RUSC2: variants seen among roughly 807,000 people sequenced by gnomAD.
RUSC2 encodes the protein RUN and SH3 domain containing 2, also known as AP-4 complex accessory subunit RUSC2.
Under a neutral mutation model 122.2 loss-of-function variants are expected in RUSC2, and 34 were observed. That is an observed-to-expected ratio of 0.28 (90% CI 0.21 to 0.37). RUSC2 has a LOEUF of 0.37. Among genes scored for constraint, RUSC2 ranks in the 10% least tolerant of loss-of-function variants. The pLI is 1.00. For missense variants in RUSC2, 1,747 were observed against 1,952.4 expected, an observed-to-expected ratio of 0.89 and a Z score of 1.98; for synonymous variants, 784 against 790.0, an observed-to-expected ratio of 0.99 and a Z score of 0.13.
intron 1 of RUSC2, among the ~76,000 whole-genome samples, chr9:35,541,901 A>T (rs1489729785): frequency 3.4e-5 from 5 of 148,672 alleles, no homozygotes; most frequent in Admixed American, 6.7e-5. Flanking sequence ...TATATATAAA[A>T]TTTTTTTAAA....
chr9:35,515,999 CAAAAAAAAA>C (rs544797957), intron 1 of RUSC2, among the ~76,000 whole-genome samples: 5 of 47,198 alleles, frequency 1.1e-4, no homozygotes, highest in Non-Finnish European at 1.5e-4. Context: ...ATTCTTGTCT[CAAAAAAAAA>C]AAAAAAAAAA....
rs188490026 is a variant in RUSC2, at chr9:35,558,622, C to T, written c.3341+55C>T. ...AACAACTTGCCCTGCCCCCCACCCCCGGGCTCTGCCTGCACCAAGGAAACA... is the reference window on the plus strand; with the variant it reads ...AACAACTTGCCCTGCCCCCCACCCCTGGGCTCTGCCTGCACCAAGGAAACA... On this transcript the variant is annotated intron_variant, in intron 8 of 11. Coordinates refer to ENST00000361226, the MANE Select transcript of RUSC2 (RefSeq NM_014806.5). This position sits in a 1 kb window ranked among gnomAD's most constrained non-coding sequence, Gnocchi z 4.3. The T allele has an allele frequency of 8.7e-5, 122 of 1,410,008 alleles. 1 individual carries two copies. In the African/African-American group the frequency reaches 1.4e-3, roughly 16 times the overall value. 87.3% of individuals were successfully genotyped at this position (1,410,008 alleles called of 1,614,324 possible).
At chr9:35,560,911 C>T (rs201844702) in intron 10 of RUSC2, 49 bp from the exon 11 acceptor site, 124 of 1,595,390 alleles carry the variant, frequency 7.8e-5, no homozygotes, top group Middle Eastern at 3.4e-4. Context: ...AGCCAGGGCA[C>T]GGGCAGAGCC....
At chr9:35,519,328 C>T (rs1278034569) in intron 1 of RUSC2, among the ~76,000 whole-genome samples, 1 of 152,214 alleles carries the variant, frequency 6.6e-6, no homozygotes, top group Admixed American at 6.5e-5. Context: ...GCCTCACAGG[C>T]AGCTGTGATG....
At chr9:35,500,157 C>T (rs1820795206) in intron 1 of RUSC2, among the ~76,000 whole-genome samples, 2 of 152,264 alleles carry the variant, frequency 1.3e-5, no homozygotes, top group Middle Eastern at 3.4e-3. Context: ...CTGTATTAGT[C>T]TGTTTTTATG....
At position 35,548,512 on chromosome 9, in the gene RUSC2, G is replaced by A. The variant is rs1821821097; in HGVS notation, c.1991G>A (p.Arg664Lys). ...AGCCCAGCCAACAGCCATACCCAGA[G>A]GGATGCAAGAGCTAGAGCTGACGGT... ...PGSPANSHTQ[R>K]DARARADGGG... The change falls in exon 2 of 12, where the codon AGG becomes AAG. Residue 664 changes from arginine to lysine, a missense_variant. Arg to Lys is a conservative substitution (Grantham distance 26). Coordinates refer to ENST00000361226, the MANE Select transcript of RUSC2 (RefSeq NM_014806.5). The surrounding 1 kb of genome is among the most constrained non-coding windows in gnomAD (Gnocchi z 4.5). 1.9e-6 allele frequency: 3 copies of A among 1,612,706 alleles called. No homozygotes were observed. The African/African-American group carries it at 4.0e-5, about 22-fold the overall frequency.
rs1293162293 is a variant in RUSC2 at position 35,561,655 on chromosome 9, G to T, written c.*273G>T. On this transcript the variant is annotated 3_prime_UTR_variant, in exon 12 of 12. Coordinates refer to ENST00000361226, the MANE Select transcript of RUSC2 (RefSeq NM_014806.5). ...CGTCTGGGCCAACCCTTCCATGGGT[G>T]AAGACAAGCAAGTCCCCCTGGAGGC... The T allele has an allele frequency of 5.5e-6, 3 of 548,924 alleles. No homozygotes were observed. The highest frequency in any genetic ancestry group is 9.6e-6 in the Non-Finnish European group (3 of 312,422). 34.0% of individuals were successfully genotyped at this position (548,924 alleles called of 1,614,324 possible).
chr9:35,561,623 C>T lies in RUSC2; in HGVS notation c.*241C>T, dbSNP rs1295605129. 1.7e-6 allele frequency: 1 copy of T among 574,232 alleles called. No individual in the cohort carries two copies. Among genetic ancestry groups the T allele is most frequent in the Non-Finnish European group, 3.1e-6 (1 of 326,682 alleles). 35.6% of individuals were successfully genotyped at this position (574,232 alleles called of 1,614,324 possible). ...CACAGCACTGGGCTGCCAGGATTCC[C>T]CTGGCCCGTCTGGGCCAACCCTTCC... On this transcript the variant is annotated 3_prime_UTR_variant, in exon 12 of 12. Coordinates refer to ENST00000361226, the MANE Select transcript of RUSC2 (RefSeq NM_014806.5).
chr9:35,519,439 A>G (rs1486796951), intron 1 of RUSC2, among the ~76,000 whole-genome samples: 1 of 152,188 alleles, frequency 6.6e-6, no homozygotes, highest in East Asian at 1.9e-4. Flanking sequence ...GAGAAGCACC[A>G]TCAGTCTAGG....
intron 1 of RUSC2, among the ~76,000 whole-genome samples, chr9:35,513,185 T>C (rs927187870): frequency 4.1e-5 from 6 of 146,798 alleles, no homozygotes; most frequent in African/African-American, 1.5e-4. Flanking sequence ...AGAATTATAC[T>C]TTGTTTTGTT....
chr9:35,513,901 A>AAAATATATATATATATAT (rs1821054615), intron 1 of RUSC2, among the ~76,000 whole-genome samples: 1 of 32,902 alleles, frequency 3.0e-5, no homozygotes, highest in Non-Finnish European at 6.9e-5. Context: ...TGCTTCAACA[A>AAAATATATATATATATAT]ACATATATAT....
At chr9:35,523,006 CAT>C (rs1821245420) in intron 1 of RUSC2, among the ~76,000 whole-genome samples, 1 of 152,204 alleles carries the variant, frequency 6.6e-6, no homozygotes, top group South Asian at 2.1e-4. Context: ...ATACTAAAAT[CAT>C]ATAGTCCTGT....
chr9:35,490,972 A>G lies in RUSC2; in HGVS notation c.-93+800A>G, dbSNP rs557127025. Among the ~76,000 whole-genome samples the G allele has an allele frequency of 3.3e-5, 5 of 152,212 alleles. No individual in the cohort carries two copies. The East Asian group carries it at 5.8e-4, about 18-fold the overall frequency. On this transcript the variant is annotated intron_variant, in intron 1 of 11. Coordinates refer to ENST00000361226, the MANE Select transcript of RUSC2 (RefSeq NM_014806.5). ...TTGCTGGTGGAGGGTCTTCACTACC[A>G]GTTGTCCTTTGCGTTTTGAACAAGT... is the stretch of plus-strand genomic sequence containing the variant.
rs1810247484 is a variant in RUSC2, at chr9:35,561,546, C to T, written c.*164C>T. On this transcript the variant is annotated 3_prime_UTR_variant, in exon 12 of 12. Coordinates refer to ENST00000361226, the MANE Select transcript of RUSC2 (RefSeq NM_014806.5). ...CTGTGCTCAGTATTAATTACGCCCC[C>T]TTAACTGTCCCAGTGACCTTGTCCA... The T allele has an allele frequency of 1.6e-6, 1 of 626,228 alleles. No individual in the cohort carries two copies. The allele number at this position is 626,228 out of a possible 1,614,324, so 38.8% of individuals were successfully genotyped here. A position where few individuals can be genotyped will look rare whatever the true frequency, so the allele number is the denominator to read the frequency against.
Position 35,548,940 on chromosome 9 carries a change from G to A in RUSC2, c.2014+405G>A, listed in dbSNP as rs1234733840. 3.5e-6 allele frequency: 2 copies of A among 572,390 alleles called. No individual in the cohort carries two copies. The highest frequency in any genetic ancestry group is 1.4e-4 in the East Asian group (1 of 7,010). 35.5% of individuals were successfully genotyped at this position (572,390 alleles called of 1,614,324 possible). A position where few individuals can be genotyped will look rare whatever the true frequency, so the allele number is the denominator to read the frequency against. On this transcript the variant is annotated intron_variant, in intron 2 of 11. Transcript: ENST00000361226. This position sits in a 1 kb window ranked among gnomAD's most constrained non-coding sequence, Gnocchi z 4.5. The stretch of plus-strand genomic sequence containing the variant: ...CCAGCTACTCAGGGGGCTGAGGCAG[G>A]AGAATTGCTTGAACCCAGGAGGTGG...
intron 1 of RUSC2, among the ~76,000 whole-genome samples, chr9:35,491,065 T>G (rs544713329): frequency 6.7e-6 from 1 of 150,094 alleles, no homozygotes; most frequent in East Asian, 2.0e-4. Context: ...TACCACTATG[T>G]GAACAGTGTC....
At chr9:35,505,128 A>T (rs1056077482) in intron 1 of RUSC2, among the ~76,000 whole-genome samples, 2 of 152,258 alleles carry the variant, frequency 1.3e-5, no homozygotes, top group African/African-American at 4.8e-5. Flanking sequence ...CATTAAAGAT[A>T]TATGCCTATA....
chr9:35,539,464 A>T (rs565521845), intron 1 of RUSC2, among the ~76,000 whole-genome samples: 29 of 152,106 alleles, frequency 1.9e-4, no homozygotes, highest in African/African-American at 7.0e-4. Context: ...AGGAGGAGAC[A>T]CCCCTACAGC....
intron 1 of RUSC2, among the ~76,000 whole-genome samples, chr9:35,493,949 T>C (rs1310793777): frequency 2.6e-5 from 4 of 152,336 alleles, no homozygotes; most frequent in South Asian, 2.1e-4. Context: ...TGTACAGATA[T>C]GTTTGAGTCC....
Sources: gnomAD v4.1 joint callset for allele counts (sites outside exome capture counted in the v4.1 genomes callset) on GRCh38, gnomAD v4.1.1 for gene constraint, Gnocchi (gnomAD v3.1) non-coding constraint, MANE v1.5 for transcripts, NCBI Gene and HGNC (gene_info 2026-07-23, HGNC 2026-07-21) for gene names.